Variants in SLX4IP observed in about 807,000 individuals in gnomAD.
SLX4IP encodes protein SLX4IP.
In SLX4IP, 34 loss-of-function variants were observed where a neutral mutation model predicts 32.9. The observed-to-expected ratio is 1.03, with a 90% CI of 0.79 to 1.38. The LOEUF (loss-of-function observed/expected upper bound fraction) is 1.38, where lower values mean the gene tolerates loss of function less well. Among genes scored for constraint, SLX4IP ranks in the 40% most tolerant of loss-of-function variants. The pLI is 0.00. For synonymous variants in SLX4IP, 172 were observed against 171.7 expected (o/e 1.00, Z -0.01); for missense variants, 444 against 479.0 (o/e 0.93, Z 0.68).
chr20:10,517,145 C>T (rs2065858054), intron 2 of SLX4IP, among the ~76,000 whole-genome samples: 2 of 152,206 alleles, frequency 1.3e-5, no homozygotes, highest in Non-Finnish European at 2.9e-5. Flanking sequence ...CTGATCATTT[C>T]TCTGAACCCC....
intron 2 of SLX4IP, among the ~76,000 whole-genome samples, chr20:10,467,189 A>C (rs1283264755): frequency 6.6e-6 from 1 of 152,166 alleles, no homozygotes; most frequent in Admixed American, 6.6e-5. Context: ...CGTGGTACTG[A>C]CTATTATCAG....
chr20:10,601,455 G>A (rs1200205573), intron 5 of SLX4IP, among the ~76,000 whole-genome samples: 3 of 152,114 alleles, frequency 2.0e-5, no homozygotes, highest in African/African-American at 7.2e-5. Context: ...TGACACAGAG[G>A]GGAGGCTACA....
intron 4 of SLX4IP, among the ~76,000 whole-genome samples, chr20:10,563,389 A>G (rs980891923): frequency 1.3e-5 from 2 of 152,170 alleles, no homozygotes; most frequent in African/African-American, 4.8e-5. Context: ...CCTTTGCTGT[A>G]TAGAAGATTT....
At chr20:10,466,869 A>G (rs2065385133) in intron 2 of SLX4IP, among the ~76,000 whole-genome samples, 1 of 151,222 alleles carries the variant, frequency 6.6e-6, no homozygotes, top group Non-Finnish European at 1.5e-5. Context: ...AAAAAAAAGA[A>G]CTCCCTGCAT....
At chr20:10,485,384 T>C (rs2065563052) in intron 2 of SLX4IP, among the ~76,000 whole-genome samples, 1 of 151,970 alleles carries the variant, frequency 6.6e-6, no homozygotes, top group South Asian at 2.1e-4. Flanking sequence ...TGGCAGATCA[T>C]TTGAGGCCAG....
chr20:10,490,008 A>C (rs1350651333), intron 2 of SLX4IP, among the ~76,000 whole-genome samples: 2 of 152,152 alleles, frequency 1.3e-5, no homozygotes, highest in Non-Finnish European at 2.9e-5. Context: ...AAGGGCCAAA[A>C]AAGTTCTTAG....
chr20:10,498,420 C>T (rs572791964), intron 2 of SLX4IP, among the ~76,000 whole-genome samples: 5 of 152,210 alleles, frequency 3.3e-5, no homozygotes, highest in Non-Finnish European at 7.4e-5. Context: ...CCCACTGCCC[C>T]TGCCAGGTCT....
At chr20:10,448,807 C>A (rs1600881582) in intron 1 of SLX4IP, among the ~76,000 whole-genome samples, 1 of 151,924 alleles carries the variant, frequency 6.6e-6, no homozygotes, top group East Asian at 1.9e-4. Flanking sequence ...GATAAATATT[C>A]AATATATGGT....
chr20:10,442,172 A>G (rs2065164636), intron 1 of SLX4IP, among the ~76,000 whole-genome samples: 1 of 152,232 alleles, frequency 6.6e-6, no homozygotes, highest in Non-Finnish European at 1.5e-5. Flanking sequence ...TTTGCTTGTG[A>G]CACAGGCCAG....
chr20:10,443,204 A>G (rs1345829652), intron 1 of SLX4IP, among the ~76,000 whole-genome samples: 2 of 152,196 alleles, frequency 1.3e-5, no homozygotes, highest in Non-Finnish European at 2.9e-5. Flanking sequence ...ACGTTGGATA[A>G]ATAGGTATAA....
At position 10,623,180 on chromosome 20, in the gene SLX4IP, G is replaced by A; in HGVS notation, c.1028G>A (p.Gly343Glu). Residue 343 changes from glycine to glutamate, a missense_variant, in exon 8 of 8, where the codon GGG becomes GAG. Transcript: ENST00000334534. ...VLPASELSDP[G>E]LLLKQDLAKT... ...CCAGCTTCAGAGTTGTCAGATCCAG[G>A]GTTACTTTTGAAACAAGATTTGGCA... 1.2e-6 allele frequency: 2 copies of A among 1,614,134 alleles called. No individual in the cohort carries two copies. The highest frequency in any genetic ancestry group is 1.3e-5 in the African/African-American group (1 of 75,002).
At chr20:10,555,196 T>TAA (rs199832360) in intron 2 of SLX4IP, among the ~76,000 whole-genome samples, 1 of 137,728 alleles carries the variant, frequency 7.3e-6, no homozygotes, top group Non-Finnish European at 1.6e-5. Context: ...GGACAGAATT[T>TAA]AAAAAAAAAA....
chr20:10,518,616 C>G (rs2065879854), intron 2 of SLX4IP, among the ~76,000 whole-genome samples: 1 of 151,280 alleles, frequency 6.6e-6, no homozygotes, highest in Non-Finnish European at 1.5e-5. Flanking sequence ...CACTCTATCA[C>G]CCAGGCTGCT....
At chr20:10,601,556 C>T (rs184365127) in intron 5 of SLX4IP, among the ~76,000 whole-genome samples, 175 bp from the exon 6 acceptor site, 4 of 152,238 alleles carry the variant, frequency 2.6e-5, no homozygotes, top group East Asian at 1.9e-4. Flanking sequence ...TAGAGCTTTG[C>T]GCTCACCCTG....
At chr20:10,603,127 A>G (rs911913984) in intron 6 of SLX4IP, among the ~76,000 whole-genome samples, 3 of 152,246 alleles carry the variant, frequency 2.0e-5, no homozygotes, top group Non-Finnish European at 4.4e-5. Flanking sequence ...AATATAGCTT[A>G]ACTGATTCAG....
intron 4 of SLX4IP, among the ~76,000 whole-genome samples, chr20:10,590,220 T>C (rs1191078325): frequency 1.3e-5 from 2 of 152,164 alleles, no homozygotes; most frequent in African/African-American, 2.4e-5. Flanking sequence ...ATGAAAACTT[T>C]GTAATTTTTT....
rs138092060 is a variant in SLX4IP at position 10,593,491 on chromosome 20, T to C, written c.239-5184T>C. On this transcript the variant is annotated intron_variant, in intron 4 of 7. Coordinates refer to ENST00000334534, the MANE Select transcript of SLX4IP (RefSeq NM_001009608.3). ...GGCTCACACCTGTAATCTCAGCATT[T>C]TGGGAGGTCCAGGCAGCAGGATCGC... is the stretch of plus-strand genomic sequence containing the variant. 5.1e-3 allele frequency among the ~76,000 whole-genome samples: 779 copies of C among 152,280 alleles called. 4 individuals are homozygous for C. The highest frequency in any genetic ancestry group is 0.018 in the African/African-American group (737 of 41,546).
intron 1 of SLX4IP, among the ~76,000 whole-genome samples, chr20:10,451,247 G>A (rs932598233): frequency 5.3e-5 from 8 of 151,666 alleles, no homozygotes; most frequent in South Asian, 2.1e-4. Flanking sequence ...TGCAATTTGC[G>A]CCTGCCAGGT....
chr20:10,555,667 C>T (rs2066259230), intron 2 of SLX4IP, among the ~76,000 whole-genome samples: 1 of 152,172 alleles, frequency 6.6e-6, no homozygotes, highest in African/African-American at 2.4e-5. Flanking sequence ...TTGTAGCATA[C>T]TTTAATGAAT....
Sources: gnomAD v4.1 joint callset for allele counts (sites outside exome capture counted in the v4.1 genomes callset) on GRCh38, gnomAD v4.1.1 for gene constraint, MANE v1.5 for transcripts, NCBI Gene and HGNC (gene_info 2026-07-23, HGNC 2026-07-21) for gene names.